LRFN2: variants seen among roughly 807,000 people sequenced by gnomAD.
LRFN2 encodes leucine-rich repeat and fibronectin type-III domain-containing protein 2.
In LRFN2, 18 loss-of-function variants were observed where a neutral mutation model predicts 37.3. That is an observed-to-expected ratio of 0.48 (90% CI 0.33 to 0.72). The LOEUF (loss-of-function observed/expected upper bound fraction) is 0.72, where lower values mean the gene tolerates loss of function less well. Ranked by LOEUF, LRFN2 falls within the 30% of genes least tolerant of loss-of-function variation. The pLI, the probability that LRFN2 is intolerant of heterozygous loss-of-function variation, is 0.02. For synonymous variants in LRFN2, 556 were observed against 466.6 expected, an observed-to-expected ratio of 1.19 and a Z score of -2.47; for missense variants, 1,006 against 1,060.7, an observed-to-expected ratio of 0.95 and a Z score of 0.72.
chr6:40,441,822 C>T (rs1313485059), intron 1 of LRFN2, among the ~76,000 whole-genome samples: 1 of 152,198 alleles, frequency 6.6e-6, no homozygotes, highest in African/African-American at 2.4e-5. Flanking sequence ...CAAACTGCCC[C>T]TGACCCCCAA....
intron 1 of LRFN2, among the ~76,000 whole-genome samples, chr6:40,499,368 C>A (rs1021080940): frequency 2.6e-5 from 4 of 152,160 alleles, no homozygotes; most frequent in South Asian, 2.1e-4. Flanking sequence ...ACATTACAAC[C>A]GAGCCTGCTC....
At chr6:40,422,626 G>A (rs9357325) in intron 2 of LRFN2, among the ~76,000 whole-genome samples, 15,555 of 152,078 alleles carry the variant, frequency 0.1, 1,619 homozygotes, top group African/African-American at 0.26. Flanking sequence ...ATACGCACAC[G>A]CCTGGGAAAG....
chr6:40,537,050 G>T (rs1202128637), intron 1 of LRFN2, among the ~76,000 whole-genome samples: 1 of 152,226 alleles, frequency 6.6e-6, no homozygotes, highest in Admixed American at 6.5e-5. Flanking sequence ...CCCTGCCAAA[G>T]GTTATGGAGC....
chr6:40,394,656 T>C (rs1762577222), intron 2 of LRFN2, among the ~76,000 whole-genome samples: 1 of 152,112 alleles, frequency 6.6e-6, no homozygotes, highest in African/African-American at 2.4e-5. Context: ...CCACCTGATA[T>C]GGTTTGGCTG....
At chr6:40,566,067 G>A (rs1468376124) in intron 1 of LRFN2, among the ~76,000 whole-genome samples, 1 of 152,128 alleles carries the variant, frequency 6.6e-6, no homozygotes, top group African/African-American at 2.4e-5. Flanking sequence ...ATCAAAAAGT[G>A]GATGAAGGAT....
At chr6:40,527,115 T>C (rs1440801198) in intron 1 of LRFN2, among the ~76,000 whole-genome samples, 1 of 152,228 alleles carries the variant, frequency 6.6e-6, no homozygotes, top group Non-Finnish European at 1.5e-5. Flanking sequence ...TAGAAATTCC[T>C]TTGGAAGAGT....
chr6:40,406,463 G>T (rs182982223), intron 2 of LRFN2, among the ~76,000 whole-genome samples: 1 of 152,318 alleles, frequency 6.6e-6, no homozygotes, highest in African/African-American at 2.4e-5. Context: ...TAACCAAGGT[G>T]TCTGCTTGCT....
rs538548325 is a variant in LRFN2 at position 40,569,943 on chromosome 6, C to T, written c.-19+16998G>A. ...TCCCTTGCCCCTGCCTCACCCTCTG[C>T]GTTCCCTCCAGCATGGCACTGCCAG... is the stretch of plus-strand genomic sequence containing the variant. On this transcript the variant is annotated intron_variant, in intron 1 of 2. Transcript: ENST00000338305. Among the ~76,000 whole-genome samples the T allele has an allele frequency of 1.2e-3, 177 of 152,226 alleles. 1 individual carries two copies. The highest frequency in any genetic ancestry group is 4.0e-3 in the African/African-American group (165 of 41,528).
intron 1 of LRFN2, among the ~76,000 whole-genome samples, chr6:40,525,759 C>T (rs1241524861): frequency 2.0e-5 from 3 of 152,132 alleles, no homozygotes; most frequent in Admixed American, 6.5e-5. Context: ...CTCGCTGCTC[C>T]AGCCCTCCCA....
intron 1 of LRFN2, among the ~76,000 whole-genome samples, chr6:40,463,401 T>A (rs1764389152): frequency 6.6e-6 from 1 of 152,140 alleles, no homozygotes; most frequent in African/African-American, 2.4e-5. Flanking sequence ...CAGTATTTCA[T>A]ATCCTTTTTC....
Position 40,421,704 on chromosome 6 carries a change from A to G in LRFN2, c.1400+10010T>C, listed in dbSNP as rs1270709023. On this transcript the variant is annotated intron_variant, in intron 2 of 2. Transcript: ENST00000338305. ...TATAATGAGGCACATGTGGCTCCTC[A>G]TTCCTATCATGGCCAAGTTTTTTCA... 7.9e-5 allele frequency among the ~76,000 whole-genome samples: 12 copies of G among 152,288 alleles called. No individual in the cohort carries two copies. In the East Asian group the frequency reaches 2.3e-3, roughly 29 times the overall value.
intron 1 of LRFN2, among the ~76,000 whole-genome samples, chr6:40,536,537 GA>G (rs1186959110): frequency 6.6e-6 from 1 of 152,196 alleles, no homozygotes; most frequent in East Asian, 1.9e-4. Context: ...TGAAGGGACT[GA>G]AGGGCCTGGG....
At chr6:40,539,966 G>GA (rs1371688376) in intron 1 of LRFN2, among the ~76,000 whole-genome samples, 1 of 152,182 alleles carries the variant, frequency 6.6e-6, no homozygotes, top group Non-Finnish European at 1.5e-5. Context: ...TGCCAGGAGA[G>GA]AACAGAGGCT....
intron 2 of LRFN2, among the ~76,000 whole-genome samples, chr6:40,394,598 G>A (rs1762576337): frequency 6.6e-6 from 1 of 152,158 alleles, no homozygotes. Context: ...CTGCCCACCT[G>A]CTCTTTTGCT....
chr6:40,529,820 G>A (rs543251420), intron 1 of LRFN2, among the ~76,000 whole-genome samples: 12 of 152,260 alleles, frequency 7.9e-5, no homozygotes, highest in African/African-American at 2.6e-4. Flanking sequence ...CAATTCAACC[G>A]GATCACAAAA....
Position 40,432,338 on chromosome 6 carries a change from T to TG in LRFN2, c.775_776insC (p.Asp259AlafsTer3). ...GGAGCCACAGGTTTCCAGGTCATCG[T>TG]CCCGCTCGAGCCTCCGCAGCCAGAG... is the stretch of plus-strand genomic sequence containing the variant. On this transcript the variant is annotated frameshift_variant, in exon 2 of 3. Transcript: ENST00000338305. LOFTEE classifies it high-confidence loss of function. 1 of 1,614,114 alleles carries TG rather than the reference T, an allele frequency of 6.2e-7. No homozygotes were observed. Among genetic ancestry groups the TG allele is most frequent in the Non-Finnish European group, 8.5e-7 (1 of 1,180,024 alleles).
At chr6:40,572,253 T>A (rs78483269) in intron 1 of LRFN2, among the ~76,000 whole-genome samples, 3 of 152,140 alleles carry the variant, frequency 2.0e-5, no homozygotes, top group Non-Finnish European at 4.4e-5. Flanking sequence ...ATAAATTAGA[T>A]AATAAGTACA....
At chr6:40,550,590 C>T (rs74464978) in intron 1 of LRFN2, among the ~76,000 whole-genome samples, 1 of 152,158 alleles carries the variant, frequency 6.6e-6, no homozygotes. Flanking sequence ...CATGCACTGC[C>T]AGAAGAAGGT....
chr6:40,584,134 C>A (rs1767457239), intron 1 of LRFN2, among the ~76,000 whole-genome samples: 1 of 152,134 alleles, frequency 6.6e-6, no homozygotes, highest in Non-Finnish European at 1.5e-5. Flanking sequence ...GGCATCAAAC[C>A]CTCCTGGCAG....
Sources: allele counts gnomAD v4.1 joint callset (sites outside exome capture counted in the v4.1 genomes callset), GRCh38; gene constraint gnomAD v4.1.1; transcripts MANE v1.5; gene names NCBI Gene and HGNC (gene_info 2026-07-23, HGNC 2026-07-21).